SLIT3: variants seen among roughly 807,000 people sequenced by gnomAD.
The protein encoded by SLIT3 is slit guidance ligand 3.
SLIT3 carries 68 observed loss-of-function variants against 184.0 expected under a neutral mutation model. The ratio of observed to expected loss-of-function variants is 0.37; its 90% CI spans 0.30 to 0.45. The LOEUF is 0.45. Among genes scored for constraint, SLIT3 ranks in the 20% least tolerant of loss-of-function variants. SLIT3 has a pLI of 1.00. For missense variants in SLIT3, 1,707 were observed against 2,026.0 expected (o/e 0.84, Z 3.02); for synonymous variants, 831 against 828.6 (o/e 1.00, Z -0.05).
Position 168,666,367 on chromosome 5 carries a change from T to G in SLIT3, c.*87A>C. 2.3e-6 allele frequency: 3 copies of G among 1,293,644 alleles called. No individual in the cohort carries two copies. The South Asian group carries it at 5.2e-5, about 22-fold the overall frequency. The allele number at this position is 1,293,644 out of a possible 1,614,324, so 80.1% of individuals were successfully genotyped here. On this transcript the variant is annotated 3_prime_UTR_variant, in exon 36 of 36. Coordinates refer to ENST00000519560, the MANE Select transcript of SLIT3 (RefSeq NM_003062.4). ...ACCTTCCTCTCCAGCTTCATTTCCT[T>G]CATGCTGAATCACCAGGGGGTCCCA...
At chr5:168,707,945 TGAACACGGG>T in intron 26 of SLIT3, 22 bp downstream of exon 26, 1 of 1,613,436 alleles carries the variant, frequency 6.2e-7, no homozygotes. Context: ...GCCTGAGGCA[TGAACACGGG>T]GGGGCAGGGC....
intron 3 of SLIT3, among the ~76,000 whole-genome samples, chr5:169,194,919 C>A (rs1763690926): frequency 6.6e-6 from 1 of 152,138 alleles, no homozygotes; most frequent in Non-Finnish European, 1.5e-5. Flanking sequence ...TGCATGCTAG[C>A]CCCATGCCCC....
chr5:168,696,375 C>T lies in SLIT3; in HGVS notation c.2999G>A (p.Cys1000Tyr). 6.2e-7 allele frequency: 1 copy of T among 1,614,178 alleles called. No homozygotes were observed. ...GQRCEINPDD[C>Y]EDNDCENNAT... ...ATTGTTTTCGCAGTCGTTGTCCTCA[C>T]AGTCATCTGGGTTGATCTCACACCG... is the stretch of plus-strand genomic sequence containing the variant. Residue 1000 changes from cysteine to tyrosine, a missense_variant, in exon 28 of 36, where the codon TGT becomes TAT. Physicochemically the swap from Cys to Tyr is radical, Grantham distance 194 (BLOSUM62 -2). Transcript: ENST00000519560.
chr5:169,035,715 C>T (rs541007740), intron 4 of SLIT3, among the ~76,000 whole-genome samples: 10 of 151,422 alleles, frequency 6.6e-5, no homozygotes, highest in South Asian at 2.1e-4. Context: ...GTGAGTACCA[C>T]GATAATCTAT....
chr5:168,995,809 C>T (rs1755490703), intron 4 of SLIT3: 1 of 152,352 alleles, frequency 6.6e-6, no homozygotes, highest in Non-Finnish European at 1.5e-5. Context: ...ACCCTGCACA[C>T]AGCCCAACTC....
At chr5:168,844,157 G>A (rs905683728) in intron 6 of SLIT3, among the ~76,000 whole-genome samples, 3 of 152,002 alleles carry the variant, frequency 2.0e-5, no homozygotes. Flanking sequence ...CTGACCTCCT[G>A]GCACTAACCC....
In SLIT3 at chr5:168,766,337, C is replaced by T. The variant is rs140425473; in HGVS notation, c.1460-3648G>A. On this transcript the variant is annotated intron_variant, in intron 14 of 35. Transcript: ENST00000519560. ...TGGGGGGAGCGTAAGTCCTGTCAGG[C>T]CTCATCAGCTTGAAAAGACAGTGAT... Among the ~76,000 whole-genome samples the T allele has an allele frequency of 2.3e-3, 353 of 152,298 alleles. 2 individuals are homozygous for T. Among genetic ancestry groups the T allele is most frequent in the African/African-American group, 7.6e-3 (317 of 41,568 alleles).
At chr5:169,096,416 G>C (rs1759784051) in intron 4 of SLIT3, among the ~76,000 whole-genome samples, 1 of 152,096 alleles carries the variant, frequency 6.6e-6, no homozygotes, top group Non-Finnish European at 1.5e-5. Flanking sequence ...TTCTGCAAAG[G>C]GCCAGATAGA....
intron 3 of SLIT3, among the ~76,000 whole-genome samples, chr5:169,224,817 G>A (rs571270136): frequency 6.6e-6 from 1 of 152,222 alleles, no homozygotes; most frequent in Admixed American, 6.5e-5. Context: ...CTCCCGATAA[G>A]CTGGGACTAC....
chr5:168,878,463 G>A (rs1759821060), intron 5 of SLIT3, among the ~76,000 whole-genome samples: 1 of 152,180 alleles, frequency 6.6e-6, no homozygotes, highest in South Asian at 2.1e-4. Flanking sequence ...TTGCTTAGGT[G>A]AATAGGGACT....
At chr5:169,188,512 G>C (rs1407446497) in intron 4 of SLIT3, among the ~76,000 whole-genome samples, 1 of 152,136 alleles carries the variant, frequency 6.6e-6, no homozygotes. Flanking sequence ...GGGCCACACA[G>C]CTTACAGGTA....
At chr5:169,132,459 A>G (rs953553321) in intron 4 of SLIT3, among the ~76,000 whole-genome samples, 1 of 152,190 alleles carries the variant, frequency 6.6e-6, no homozygotes, top group African/African-American at 2.4e-5. Context: ...TTTTTTAAAC[A>G]TGGTCCACGT....
intron 4 of SLIT3, among the ~76,000 whole-genome samples, chr5:169,187,135 G>C (rs1373627425): frequency 7.8e-5 from 2 of 25,574 alleles, no homozygotes; most frequent in Non-Finnish European, 1.9e-4. Flanking sequence ...TTTTTTTTGA[G>C]ACGGAGTCTC....
Position 169,023,486 on chromosome 5 carries a change from G to A in SLIT3, c.414-140150C>T, listed in dbSNP as rs112371587. 175 of 152,294 alleles carry A rather than the reference G, an allele frequency of 1.1e-3. 3 individuals carry two copies. The highest frequency in any genetic ancestry group is 4.1e-3 in the African/African-American group (171 of 41,560). The allele number at this position is 152,294 out of a possible 1,614,324, so 9.4% of individuals were successfully genotyped here. The stretch of plus-strand genomic sequence containing the variant: ...CTGGGTTGTAGGATATGTGCATTGA[G>A]AAGAGGCCTACAGTAAACTCTCCCC... On this transcript the variant is annotated intron_variant, in intron 4 of 35. Coordinates refer to ENST00000519560, the MANE Select transcript of SLIT3 (RefSeq NM_003062.4).
chr5:169,143,558 G>C (rs2113349922), intron 4 of SLIT3, among the ~76,000 whole-genome samples: 1 of 152,350 alleles, frequency 6.6e-6, no homozygotes, highest in African/African-American at 2.4e-5. Flanking sequence ...CAGCACTTCG[G>C]GAGGCCGAGG....
chr5:169,292,299 C>T lies in SLIT3; in HGVS notation c.197+8214G>A, dbSNP rs115381453. Among the ~76,000 whole-genome samples, 536 of 152,214 alleles carry T rather than the reference C, an allele frequency of 3.5e-3. 2 individuals are homozygous for T. Among genetic ancestry groups the T allele is most frequent in the African/African-American group, 0.012 (503 of 41,522 alleles). On this transcript the variant is annotated intron_variant, in intron 1 of 35. Coordinates refer to ENST00000519560, the MANE Select transcript of SLIT3 (RefSeq NM_003062.4). ...CATTCAACATACACACACATACATG[C>T]GTCATATCCTGTGTTGGTGAGACTT... is the stretch of plus-strand genomic sequence containing the variant.
chr5:169,290,686 T>C (rs892845511), intron 1 of SLIT3, among the ~76,000 whole-genome samples: 1 of 149,806 alleles, frequency 6.7e-6, no homozygotes, highest in Non-Finnish European at 1.5e-5. Context: ...GGGCACATGC[T>C]GGGGCACGCA....
intron 4 of SLIT3, among the ~76,000 whole-genome samples, chr5:168,967,586 C>A (rs1308898560): frequency 7.0e-6 from 1 of 143,152 alleles, no homozygotes; most frequent in Non-Finnish European, 1.6e-5. Flanking sequence ...ACTACAGGCG[C>A]CCGCCACTAC....
intron 4 of SLIT3, among the ~76,000 whole-genome samples, chr5:169,041,563 T>A (rs145968671): frequency 6.6e-6 from 1 of 152,342 alleles, no homozygotes; most frequent in African/African-American, 2.4e-5. Flanking sequence ...CATAGAATAA[T>A]TAGTCCTACA....
Sources: allele counts gnomAD v4.1 joint callset (sites outside exome capture counted in the v4.1 genomes callset), GRCh38; gene constraint gnomAD v4.1.1; transcripts MANE v1.5; gene names NCBI Gene and HGNC (gene_info 2026-07-23, HGNC 2026-07-21).